Variants in PPP2R3B observed in about 807,000 individuals in gnomAD.
PPP2R3B encodes the protein protein phosphatase 2 regulatory subunit B''beta, also known as serine/threonine-protein phosphatase 2A regulatory subunit B'' subunit beta.
In PPP2R3B, 68 loss-of-function variants were observed where a neutral mutation model predicts 72.9. The observed-to-expected ratio is 0.93, with a 90% confidence interval of 0.77 to 1.14. The LOEUF (loss-of-function observed/expected upper bound fraction) is 1.14. Ranked by LOEUF, PPP2R3B falls within the 50% of genes most tolerant of loss-of-function variation. The probability of loss-of-function intolerance (pLI) is 0.00; values close to 1 mark genes in which losing one functional copy is unlikely to be tolerated. For missense variants in PPP2R3B, 1,018 were observed against 842.0 expected (o/e 1.21, Z -2.59); for synonymous variants, 466 against 375.8 (o/e 1.24, Z -2.78).
At chrX:346,469 G>A in intron 5 of PPP2R3B, 1 of 628,968 alleles carries the variant, frequency 1.6e-6, no homozygotes, top group South Asian at 2.0e-5. Context: ...ACGCCCCGGA[G>A]CTACACGGGC....
chrX:386,577 T>C lies in PPP2R3B; in HGVS notation c.115A>G (p.Ile39Val). ...QRMLQDCLRRIKAPGRDQPTP... is the reference protein window; with the variant it reads ...QRMLQDCLRRVKAPGRDQPTP... The stretch of plus-strand genomic sequence containing the variant: ...GGCTGGTCCCGCCCGGGCGCCTTGA[T>C]CCGGCGCAGGCAGTCCTGCAGCATC... Residue 39 changes from isoleucine (I) to valine (V), a missense_variant, in exon 1 of 13, where the codon ATC becomes GTC. Coordinates refer to ENST00000390665, the MANE Select transcript of PPP2R3B (RefSeq NM_013239.5). 6.9e-7 allele frequency: 1 copy of C among 1,448,236 alleles called. No individual in the cohort carries two copies. The highest frequency in any genetic ancestry group is 9.1e-7 in the Non-Finnish European group (1 of 1,100,460). The allele number at this position is 1,448,236 out of a possible 1,614,324, so 89.7% of individuals were successfully genotyped here. A position where few individuals can be genotyped will look rare whatever the true frequency, so the allele number is the denominator to read the frequency against.
intron 2 of PPP2R3B, among the ~76,000 whole-genome samples, chrX:348,453 G>A (rs2071268432): frequency 6.6e-6 from 1 of 151,890 alleles, no homozygotes; most frequent in Admixed American, 6.6e-5. Flanking sequence ...GCGGGCGCCT[G>A]TAATCCCAGC....
intron 1 of PPP2R3B, among the ~76,000 whole-genome samples, chrX:379,217 ATG>A (rs1163084253): frequency 7.1e-6 from 1 of 140,788 alleles, no homozygotes; most frequent in East Asian, 2.1e-4. Context: ...GCACCTGTGT[ATG>A]CACCTGTGTG....
At position 354,095 on chromosome X, in the gene PPP2R3B, C is replaced by T. The variant is rs1461958813; in HGVS notation, c.511-6402G>A. On this transcript the variant is annotated intron_variant, in intron 2 of 12. Coordinates refer to ENST00000390665, the MANE Select transcript of PPP2R3B (RefSeq NM_013239.5). ...CAAAGACCGGGGCTCACCCAGGGACCAGGGGCTCGCCCAAACACAGGGGGC... is the reference window on the plus strand; with the variant it reads ...CAAAGACCGGGGCTCACCCAGGGACTAGGGGCTCGCCCAAACACAGGGGGC... Among the ~76,000 whole-genome samples, 88 of 137,216 alleles carry T rather than the reference C, an allele frequency of 6.4e-4. 2 individuals carry two copies. The highest frequency in any genetic ancestry group is 2.5e-3 in the African/African-American group (79 of 31,026). 90.0% of individuals were successfully genotyped at this position (137,216 alleles called of 152,430 possible). A position where few individuals can be genotyped will look rare whatever the true frequency, so the allele number is the denominator to read the frequency against.
Position 347,583 on chromosome X carries a change from GACTC to G in PPP2R3B, c.614+3_614+6del. 6.4e-7 allele frequency: 1 copy of G among 1,569,720 alleles called. No individual in the cohort carries two copies. On this transcript the variant is annotated splice_donor_5th_base_variant and intron_variant, in intron 3 of 12. Coordinates refer to ENST00000390665, the MANE Select transcript of PPP2R3B (RefSeq NM_013239.5). ...CGACACAGCCCCCTGCCCAGCCCAG[GACTC>G]ACTTTCTCCACATGGCGACGAACTT...
Position 340,903 on chromosome X carries a change from C to T in PPP2R3B, c.1213G>A (p.Asp405Asn), listed in dbSNP as rs1388821206. 1.2e-6 allele frequency: 2 copies of T among 1,611,864 alleles called. No individual in the cohort carries two copies. The highest frequency in any genetic ancestry group is 2.2e-5 in the East Asian group (1 of 44,868). Residue 405 changes from aspartate (D) to asparagine (N), a missense_variant, in exon 10 of 13, where the codon GAC becomes AAC. By Grantham distance (23) the Asp-to-Asn change is conservative. Coordinates refer to ENST00000390665, the MANE Select transcript of PPP2R3B (RefSeq NM_013239.5). ...AGCTCGAACATGGACAGGGCGCCGT[C>T]CCCGTCCAGGTCCATGCAGCGGAAC... is the stretch of plus-strand genomic sequence containing the variant. ...YWFRCMDLDG[D>N]GALSMFELEY...
chrX:368,659 C>T (rs112767341), intron 1 of PPP2R3B, among the ~76,000 whole-genome samples: 3 of 40,138 alleles, frequency 7.5e-5, no homozygotes, highest in African/African-American at 1.3e-4. Flanking sequence ...ACCACCCACC[C>T]TGGGCACCGA....
intron 1 of PPP2R3B, among the ~76,000 whole-genome samples, chrX:374,656 T>A (rs1371430670): frequency 2.0e-5 from 3 of 152,140 alleles, no homozygotes; most frequent in African/African-American, 7.2e-5. Flanking sequence ...CCTGCCAGGC[T>A]GAACGCTGTC....
intron 2 of PPP2R3B, among the ~76,000 whole-genome samples, chrX:355,850 C>G (rs1034140581): frequency 6.6e-6 from 1 of 152,214 alleles, no homozygotes; most frequent in African/African-American, 2.4e-5. Context: ...GAGAAAAGTC[C>G]AGCGCACGTG....
intron 6 of PPP2R3B, 114 bp from the exon 7 acceptor site, chrX:345,786 G>A: frequency 8.9e-7 from 1 of 1,119,124 alleles, no homozygotes; most frequent in South Asian, 1.5e-5. Context: ...TCCGTGGGTG[G>A]GGGGGACTGG....
intron 1 of PPP2R3B, among the ~76,000 whole-genome samples, chrX:370,876 G>C (rs1488451077): frequency 1.3e-5 from 2 of 152,240 alleles, no homozygotes; most frequent in Non-Finnish European, 2.9e-5. Context: ...CTGCCGCGTA[G>C]GGGACGGCGC....
chrX:368,029 C>A (rs1386679728), intron 1 of PPP2R3B, among the ~76,000 whole-genome samples: 1 of 152,250 alleles, frequency 6.6e-6, no homozygotes, highest in East Asian at 1.9e-4. Context: ...CCTGACAACG[C>A]AGCCTCGGCA....
intron 1 of PPP2R3B, among the ~76,000 whole-genome samples, chrX:374,559 G>A (rs1034001270): frequency 2.6e-5 from 4 of 152,194 alleles, no homozygotes; most frequent in Non-Finnish European, 4.4e-5. Context: ...AAATGAGGGT[G>A]AGCTGACATT....
intron 8 of PPP2R3B, 141 bp downstream of exon 8, chrX:341,742 C>T: frequency 1.1e-6 from 1 of 915,894 alleles, no homozygotes; most frequent in Non-Finnish European, 1.8e-6. Flanking sequence ...GTGACAGAGA[C>T]ACGTGCCCCC....
At chrX:348,171 A>G (rs1041938950) in intron 2 of PPP2R3B, among the ~76,000 whole-genome samples, 1 of 152,200 alleles carries the variant, frequency 6.6e-6, no homozygotes, top group Non-Finnish European at 1.5e-5. Flanking sequence ...GATCGTCTAC[A>G]CTTCTACCCC....
chrX:366,733 CAT>C (rs2071718033), intron 1 of PPP2R3B, among the ~76,000 whole-genome samples: 1 of 98,994 alleles, frequency 1.0e-5, no homozygotes, highest in Non-Finnish European at 2.2e-5. Context: ...TGTGGTGGCG[CAT>C]GCCTGTAATC....
At chrX:351,510 G>A (rs4618899) in intron 2 of PPP2R3B, among the ~76,000 whole-genome samples, 7,370 of 151,990 alleles carry the variant, frequency 0.048, 222 homozygotes, top group South Asian at 0.12. Flanking sequence ...GCAGGCTGGA[G>A]TGCAGTGTGT....
intron 7 of PPP2R3B, 179 bp downstream of exon 7, chrX:345,336 CG>C (rs1569384850): frequency 1.1e-6 from 1 of 896,878 alleles, no homozygotes; most frequent in South Asian, 1.4e-5. Context: ...GACCCAGACA[CG>C]GGGCAGCGAC....
intron 2 of PPP2R3B, among the ~76,000 whole-genome samples, chrX:351,018 G>T (rs1302673071): frequency 6.6e-6 from 1 of 152,166 alleles, no homozygotes; most frequent in African/African-American, 2.4e-5. Context: ...CCACGGGGGG[G>T]CGTGGGGGAC....
Sources: allele counts gnomAD v4.1 joint callset (sites outside exome capture counted in the v4.1 genomes callset), GRCh38; gene constraint gnomAD v4.1.1; transcripts MANE v1.5; gene names NCBI Gene and HGNC (gene_info 2026-07-23, HGNC 2026-07-21).